The following BCO1 variants were observed in gnomAD, a reference collection of about 807,000 sequenced individuals.
BCO1 encodes the protein beta,beta-carotene 15,15'-dioxygenase.
Under a neutral mutation model 56.3 loss-of-function variants are expected in BCO1, and 54 were observed. The observed-to-expected ratio is 0.96, with a 90% confidence interval of 0.77 to 1.20. The LOEUF is 1.20. BCO1 is among the 50% of genes most tolerant of loss of function. The pLI, the probability that BCO1 is intolerant of heterozygous loss-of-function variation, is 0.00. For missense variants in BCO1, 801 were observed against 690.9 expected, an observed-to-expected ratio of 1.16 and a Z score of -1.79; for synonymous variants, 318 against 266.1, an observed-to-expected ratio of 1.20 and a Z score of -1.90.
At chr16:81,253,226 C>G (rs778607300) in intron 2 of BCO1, among the ~76,000 whole-genome samples, 21 of 152,106 alleles carry the variant, frequency 1.4e-4, no homozygotes, top group Non-Finnish European at 2.6e-4. Flanking sequence ...CCCAAGGTCA[C>G]CCAACCTGGA....
At chr16:81,264,554 T>G in intron 4 of BCO1, 86 bp from the exon 5 acceptor site, 2 of 1,511,342 alleles carry the variant, frequency 1.3e-6, no homozygotes, top group Admixed American at 3.3e-5. Flanking sequence ...CTTCAACCTT[T>G]CTCCTTTGAA....
chr16:81,242,804 T>C (rs1484488958), intron 1 of BCO1, among the ~76,000 whole-genome samples: 2 of 152,280 alleles, frequency 1.3e-5, no homozygotes, highest in Non-Finnish European at 2.9e-5. Flanking sequence ...CGCACAGCAT[T>C]ACGGCCCGAG....
At chr16:81,287,480 G>A in intron 10 of BCO1, 74 bp downstream of exon 10, 2 of 1,211,524 alleles carry the variant, frequency 1.7e-6, no homozygotes, top group Non-Finnish European at 2.4e-6. Context: ...CACCATCTGG[G>A]GGCAGCTGAC....
Position 81,281,108 on chromosome 16 carries a change from TG to T in BCO1, c.1207+150del, listed in dbSNP as rs541272909. The T allele has an allele frequency of 1.3e-3, 888 of 682,080 alleles. 4 individuals carry two copies. The African/African-American group carries it at 0.014, about 11-fold the overall frequency. The allele number at this position is 682,080 out of a possible 1,614,324, so 42.3% of individuals were successfully genotyped here. A position where few individuals can be genotyped will look rare whatever the true frequency, so the allele number is the denominator to read the frequency against. ...TTGGGATGCCCTGGTGAAAAGCATC[TG>T]GGGACATTTCTCTTTTCTCTATCTT... On this transcript the variant is annotated intron_variant, in intron 8 of 10. Coordinates refer to ENST00000258168, the MANE Select transcript of BCO1 (RefSeq NM_017429.3).
chr16:81,271,680 G>A (rs1907227628), intron 7 of BCO1, among the ~76,000 whole-genome samples: 1 of 152,148 alleles, frequency 6.6e-6, no homozygotes, highest in Admixed American at 6.5e-5. Flanking sequence ...ACACAGCACA[G>A]TGTTGTCAAG....
intron 2 of BCO1, among the ~76,000 whole-genome samples, chr16:81,248,774 A>G (rs11639549): frequency 0.44 from 67,552 of 151,814 alleles, 15,423 homozygotes; most frequent in Middle Eastern, 0.54. Context: ...CACTTTGGGG[A>G]GCCAAGGTGG....
At chr16:81,253,296 C>T (rs374724340) in intron 2 of BCO1, among the ~76,000 whole-genome samples, 8 of 152,246 alleles carry the variant, frequency 5.3e-5, no homozygotes, top group South Asian at 4.1e-4. Context: ...CAATACTCTA[C>T]GCAGCTTTTC....
At chr16:81,284,875 G>C (rs1272789492) in intron 8 of BCO1, among the ~76,000 whole-genome samples, 2 of 146,096 alleles carry the variant, frequency 1.4e-5, no homozygotes, top group Non-Finnish European at 3.0e-5. Context: ...CTCACTCTGT[G>C]GCCCAGGCTG....
chr16:81,282,098 G>T (rs975826116), intron 8 of BCO1, among the ~76,000 whole-genome samples: 1 of 152,238 alleles, frequency 6.6e-6, no homozygotes, highest in Admixed American at 6.5e-5. Context: ...GAGCGCATTG[G>T]CTGGGCACGG....
Position 81,262,845 on chromosome 16 carries a change from A to AC in BCO1, c.471+562_471+563insC, listed in dbSNP as rs201696395. 884 of 154,602 alleles carry AC rather than the reference A, an allele frequency of 5.7e-3. 6 individuals carry two copies. The highest frequency in any genetic ancestry group is 0.012 in the South Asian group (60 of 5,106). 9.6% of individuals were successfully genotyped at this position (154,602 alleles called of 1,614,324 possible). On this transcript the variant is annotated intron_variant, in intron 4 of 10. Coordinates refer to ENST00000258168, the MANE Select transcript of BCO1 (RefSeq NM_017429.3). ...CTGTCTCAAACAAAAACAAAAAAAA[A>AC]AAAAAAAAAAACAAGACAAACAAAT...
At chr16:81,268,571 A>G (rs1906982014) in intron 6 of BCO1, among the ~76,000 whole-genome samples, 1 of 152,194 alleles carries the variant, frequency 6.6e-6, no homozygotes, top group Admixed American at 6.5e-5. Flanking sequence ...ATGTTCCACC[A>G]GACAGTTCAA....
At chr16:81,243,208 C>T (rs1242541260) in intron 1 of BCO1, among the ~76,000 whole-genome samples, 1 of 152,096 alleles carries the variant, frequency 6.6e-6, no homozygotes, top group African/African-American at 2.4e-5. Flanking sequence ...CTGAACTGTA[C>T]ATTTTAAAAT....
chr16:81,272,402 G>A (rs1341404039), intron 7 of BCO1, among the ~76,000 whole-genome samples: 2 of 152,214 alleles, frequency 1.3e-5, no homozygotes. Context: ...ACAGGCGTGA[G>A]CCACCGCGCC....
chr16:81,264,821 A>C, intron 5 of BCO1, 34 bp downstream of exon 5: 4 of 1,612,804 alleles, frequency 2.5e-6, no homozygotes, highest in Middle Eastern at 1.7e-4. Context: ...TAAAACACAA[A>C]CAACCAAGTG....
At chr16:81,285,483 T>G (rs534385662) in intron 8 of BCO1, 57 bp from the exon 9 acceptor site, 1 of 1,271,598 alleles carries the variant, frequency 7.9e-7, no homozygotes, top group Non-Finnish European at 1.2e-6. Flanking sequence ...ACAGGAAGGG[T>G]GGATGCTCCC....
At chr16:81,245,766 G>A (rs1024618679) in intron 2 of BCO1, among the ~76,000 whole-genome samples, 163 bp downstream of exon 2, 2 of 151,880 alleles carry the variant, frequency 1.3e-5, no homozygotes, top group Non-Finnish European at 2.9e-5. Context: ...ATTCAGTTCT[G>A]GAGGCTCTAG....
At chr16:81,280,786 A>T (rs528737200) in intron 7 of BCO1, 71 bp from the exon 8 acceptor site, 1 of 1,121,326 alleles carries the variant, frequency 8.9e-7, no homozygotes, top group Non-Finnish European at 1.3e-6. Flanking sequence ...TAAAAAATAT[A>T]TACACTAAAG....
In BCO1 at chr16:81,278,333, C is replaced by T. The variant is rs541924252; in HGVS notation, c.1102-2524C>T. Among the ~76,000 whole-genome samples, 6 of 152,226 alleles carry T rather than the reference C, an allele frequency of 3.9e-5. No homozygotes were observed. In the South Asian group the frequency reaches 1.2e-3, roughly 32 times the overall value. On this transcript the variant is annotated intron_variant, in intron 7 of 10. Transcript: ENST00000258168. ...CTGGGATTACAGGCATGAGCCCCCG[C>T]ACTCAGCTAAATGTTTCTAAGAAGC...
At chr16:81,271,363 C>A (rs776737920) in intron 7 of BCO1, among the ~76,000 whole-genome samples, 1 of 152,158 alleles carries the variant, frequency 6.6e-6, no homozygotes, top group East Asian at 1.9e-4. Flanking sequence ...GATCCACCCA[C>A]CTTGGCCTCC....
Sources: gnomAD v4.1 joint callset for allele counts (sites outside exome capture counted in the v4.1 genomes callset) on GRCh38, gnomAD v4.1.1 for gene constraint, MANE v1.5 for transcripts, NCBI Gene and HGNC (gene_info 2026-07-23, HGNC 2026-07-21) for gene names.